PRCD: variants seen among roughly 807,000 people sequenced by gnomAD.
PRCD encodes the protein photoreceptor disk component PRCD.
PRCD carries 12 observed loss-of-function variants against 10.1 expected under a neutral mutation model. The ratio of observed to expected loss-of-function variants is 1.18; its 90% CI spans 0.76 to 1.92. PRCD has a LOEUF of 1.92. Among genes scored for constraint, PRCD ranks in the 40% most tolerant of loss-of-function variants. The pLI, the probability that PRCD is intolerant of heterozygous loss-of-function variation, is 0.00. For missense variants in PRCD, 61 were observed against 72.2 expected (o/e 0.84, Z 0.56); for synonymous variants, 31 against 26.2 (o/e 1.18, Z -0.56).
chr17:76,540,515 G>A lies in PRCD; in HGVS notation c.85G>A (p.Asp29Asn), dbSNP rs372084413. The stretch of plus-strand genomic sequence containing the variant: ...TCTTGCCTCCCACAGAGAGCCCAGC[G>A]ACGTGGATGGGGCAGCTAGGGGCAG... ...FANRVQPEPS[D>N]VDGAARGSSL... The change falls in exon 2 of 5, where the codon GAC becomes AAC. Residue 29 changes from aspartate to asparagine, a missense_variant. Physicochemically the swap from Asp to Asn is conservative, Grantham distance 23. Coordinates refer to ENST00000592014, the MANE Select transcript of PRCD (RefSeq NM_001077620.3). The surrounding 1 kb of genome is among the most constrained non-coding windows in gnomAD (Gnocchi z 5.0). The A allele has an allele frequency of 1.4e-4, 222 of 1,613,698 alleles. No homozygotes were observed. The highest frequency in any genetic ancestry group is 6.5e-4 in the African/African-American group (49 of 75,028).
In PRCD at chr17:76,531,420, C is replaced by T. The variant is rs371523592; in HGVS notation, n.45+3587C>T. The T allele has an allele frequency of 1.1e-4, 177 of 1,585,632 alleles. No individual in the cohort carries two copies. The highest frequency in any genetic ancestry group is 2.0e-4 in the East Asian group (9 of 44,226). ...CTGCGAGCTGCAGATGGCCATGACGCGTGGGCGGTGGGGGCTCTGCAGCAG... is the reference window on the plus strand; with the variant it reads ...CTGCGAGCTGCAGATGGCCATGACGTGTGGGCGGTGGGGGCTCTGCAGCAG... On this transcript the variant is annotated intron_variant and non_coding_transcript_variant, in intron 1 of 4. Transcript: ENST00000397633. This position sits in a 1 kb window ranked among gnomAD's most constrained non-coding sequence, Gnocchi z 7.4.
At chr17:76,551,498 T>C (rs1239582064) in intron 1 of PRCD, 2 of 152,206 alleles carry the variant, frequency 1.3e-5, no homozygotes, top group African/African-American at 4.8e-5. Flanking sequence ...TCTCAATGCG[T>C]AGGGTCTGTG....
At position 76,530,088 on chromosome 17, in the gene PRCD, C is replaced by T; in HGVS notation, n.45+2255C>T. 1 of 982,754 alleles carries T rather than the reference C, an allele frequency of 1.0e-6. No individual in the cohort carries two copies. Among genetic ancestry groups the T allele is most frequent in the Non-Finnish European group, 1.2e-6 (1 of 827,602 alleles). 60.9% of individuals were successfully genotyped at this position (982,754 alleles called of 1,614,324 possible). ...GCCCGGCGGGAGACGCCGCCTTTTC[C>T]ATGGGAAACTGCTGGGAATGTTTCT... On this transcript the variant is annotated intron_variant and non_coding_transcript_variant, in intron 1 of 4. Coordinates refer to the PRCD transcript ENST00000397633. The surrounding 1 kb of genome is among the most constrained non-coding windows in gnomAD (Gnocchi z 6.1).
upstream of PRCD, among the ~76,000 whole-genome samples, chr17:76,539,310 T>A (rs548745578): frequency 2.0e-5 from 3 of 152,344 alleles, no homozygotes; most frequent in South Asian, 6.2e-4. Flanking sequence ...TGTAACTATT[T>A]CTTTTCATCT....
chr17:76,538,484 G>C (rs1398721365), upstream of PRCD: 2 of 465,970 alleles, frequency 4.3e-6, no homozygotes, highest in African/African-American at 4.0e-5. Flanking sequence ...GAAGTCCCCC[G>C]TGGCTTATGA....
intron 1 of PRCD, chr17:76,552,096 A>C (rs1024862008): frequency 1.3e-5 from 2 of 152,226 alleles, no homozygotes; most frequent in Non-Finnish European, 2.9e-5. Flanking sequence ...TCTTCTGGGA[A>C]GAATTATTTT....
downstream of PRCD, chr17:76,546,140 C>A: frequency 6.6e-6 from 1 of 152,422 alleles, no homozygotes; most frequent in Non-Finnish European, 1.5e-5. The surrounding 1 kb of genome is among the most constrained non-coding windows in gnomAD (Gnocchi z 4.5). Flanking sequence ...TGGTACCTTC[C>A]TCCGTGTGAA....
Position 76,540,285 on chromosome 17 carries a change from A to G in PRCD, c.74+70A>G. 6.8e-7 allele frequency: 1 copy of G among 1,467,886 alleles called. No individual in the cohort carries two copies. The highest frequency in any genetic ancestry group is 9.3e-7 in the Non-Finnish European group (1 of 1,075,048). The allele number at this position is 1,467,886 out of a possible 1,614,324, so 90.9% of individuals were successfully genotyped here. A position where few individuals can be genotyped will look rare whatever the true frequency, so the allele number is the denominator to read the frequency against. The stretch of plus-strand genomic sequence containing the variant: ...GGGGCATGGGGCTGGGCTGCCACCA[A>G]GCTGAAGGTGGGCAGGGGCTGCGTG... On this transcript the variant is annotated intron_variant, in intron 1 of 4. Transcript: ENST00000592014. The surrounding 1 kb of genome is among the most constrained non-coding windows in gnomAD (Gnocchi z 5.0).
rs879339199 is a variant in PRCD, at chr17:76,533,445, C to G, written n.45+5612C>G. Among the ~76,000 whole-genome samples the G allele has an allele frequency of 1.3e-5, 2 of 152,312 alleles. No homozygotes were observed. Among genetic ancestry groups the G allele is most frequent in the Admixed American group, 1.3e-4 (2 of 15,298 alleles). On this transcript the variant is annotated intron_variant and non_coding_transcript_variant, in intron 1 of 4. Coordinates refer to the PRCD transcript ENST00000397633. This position sits in a 1 kb window ranked among gnomAD's most constrained non-coding sequence, Gnocchi z 4.5. Reference sequence around the variant, plus strand: ...ATTGCAATAAAAAATAATGATATGGCCGGGCACGGTGGCTCACGCCTATAA... The same window carrying G: ...ATTGCAATAAAAAATAATGATATGGGCGGGCACGGTGGCTCACGCCTATAA...
downstream of PRCD, chr17:76,550,202 C>T (rs4647883): frequency 0.065 from 9,821 of 150,482 alleles, 429 homozygotes; most frequent in Non-Finnish European, 0.095. Flanking sequence ...GTGATCCACC[C>T]GCCTCGGCCT....
Position 76,543,084 on chromosome 17 carries a change from G to C in PRCD, c.*115G>C, listed in dbSNP as rs758393407. The C allele has an allele frequency of 2.1e-6, 1 of 471,590 alleles. No individual in the cohort carries two copies. Among genetic ancestry groups the C allele is most frequent in the Admixed American group, 2.3e-5 (1 of 42,598 alleles). The allele number at this position is 471,590 out of a possible 1,614,324, so 29.2% of individuals were successfully genotyped here. ...AGGATGCTGTGGGAGCTGCAGCAGC[G>C]GCAAGAGGGAGAATGGGGGGAAGCA... is the stretch of plus-strand genomic sequence containing the variant. On this transcript the variant is annotated 3_prime_UTR_variant, in exon 4 of 5. Coordinates refer to ENST00000592014, the MANE Select transcript of PRCD (RefSeq NM_001077620.3).
At position 76,530,968 on chromosome 17, in the gene PRCD, C is replaced by T. The variant is rs753096420; in HGVS notation, n.45+3135C>T. On this transcript the variant is annotated intron_variant and non_coding_transcript_variant, in intron 1 of 4. Transcript: ENST00000397633. The surrounding 1 kb of genome is among the most constrained non-coding windows in gnomAD (Gnocchi z 6.1). ...GGAGGCTGCCCAGCCCACCCTCGCC[C>T]GCCTCCTCACGTGGTGGCGTTGGGG... The T allele has an allele frequency of 1.5e-5, 23 of 1,576,100 alleles. No individual in the cohort carries two copies. The highest frequency in any genetic ancestry group is 1.3e-4 in the South Asian group (11 of 87,084).
chr17:76,542,696 A>C, intron 3 of PRCD, 63 bp downstream of exon 3: 1 of 1,070,830 alleles, frequency 9.3e-7, no homozygotes, highest in Non-Finnish European at 1.4e-6. Context: ...AGGAAGCAAC[A>C]GGCAAGTCCC....
In PRCD at chr17:76,543,204, C is replaced by T. The variant is rs148249567; in HGVS notation, c.*152+83C>T. ...GTGTGGGCTCCTGAGCAGGACCTGG[C>T]TGGGCCTGGCAGAAAGAGCAGACGT... is the stretch of plus-strand genomic sequence containing the variant. On this transcript the variant is annotated intron_variant, in intron 4 of 4. Transcript: ENST00000592014. 4.0e-3 allele frequency: 1,651 copies of T among 414,846 alleles called. 12 individuals are homozygous for T. The highest frequency in any genetic ancestry group is 7.1e-3 in the Middle Eastern group (14 of 1,980). 25.7% of individuals were successfully genotyped at this position (414,846 alleles called of 1,614,324 possible).
chr17:76,535,121 A>G (rs534056392), upstream of PRCD, among the ~76,000 whole-genome samples: 43 of 152,276 alleles, frequency 2.8e-4, no homozygotes, highest in South Asian at 8.9e-3. Flanking sequence ...AGGGAATGGA[A>G]GTGTGGGGTC....
rs2074797475 is a variant in PRCD at position 76,528,789 on chromosome 17, T to C, written n.45+956T>C. 2 of 1,026,694 alleles carry C rather than the reference T, an allele frequency of 1.9e-6. No homozygotes were observed. The highest frequency in any genetic ancestry group is 2.5e-6 in the Non-Finnish European group (2 of 796,178). 63.6% of individuals were successfully genotyped at this position (1,026,694 alleles called of 1,614,324 possible). Reference sequence around the variant, plus strand: ...AGTCTCCGTCCTGCTACGAACGTGCTGTGTGATCTCAGGCAAGTCTACTGG... The same window carrying C: ...AGTCTCCGTCCTGCTACGAACGTGCCGTGTGATCTCAGGCAAGTCTACTGG... On this transcript the variant is annotated intron_variant and non_coding_transcript_variant, in intron 1 of 4. Coordinates refer to the PRCD transcript ENST00000397633. This position sits in a 1 kb window ranked among gnomAD's most constrained non-coding sequence, Gnocchi z 5.8.
rs2074796421 is a variant in PRCD, at chr17:76,528,694, T to C, written n.45+861T>C. The C allele has an allele frequency of 1.7e-6, 2 of 1,202,500 alleles. No individual in the cohort carries two copies. Among genetic ancestry groups the C allele is most frequent in the Admixed American group, 8.4e-5 (2 of 23,676 alleles). 74.5% of individuals were successfully genotyped at this position (1,202,500 alleles called of 1,614,324 possible). A position where few individuals can be genotyped will look rare whatever the true frequency, so the allele number is the denominator to read the frequency against. On this transcript the variant is annotated intron_variant and non_coding_transcript_variant, in intron 1 of 4. Coordinates refer to the PRCD transcript ENST00000397633. The surrounding 1 kb of genome is among the most constrained non-coding windows in gnomAD (Gnocchi z 5.8). ...GGGGGAAAGGGGGAGGACCTGGGGC[T>C]GGCGAGGCTCACTTCCTGCCAAGAG...
chr17:76,542,045 A>G (rs747946890), intron 2 of PRCD, among the ~76,000 whole-genome samples: 32 of 152,254 alleles, frequency 2.1e-4, no homozygotes, highest in Non-Finnish European at 3.8e-4. Flanking sequence ...TTGGCAGGAC[A>G]TGTGTTTTTA....
chr17:76,542,506 G>T (rs2075003462), intron 2 of PRCD, 47 bp from the exon 3 acceptor site: 1 of 1,612,732 alleles, frequency 6.2e-7, no homozygotes. Context: ...AGAAACATGG[G>T]AAGGTCGTGC....
Sources: allele counts gnomAD v4.1 joint callset (sites outside exome capture counted in the v4.1 genomes callset), GRCh38; gene constraint gnomAD v4.1.1; non-coding constraint Gnocchi (gnomAD v3.1); transcripts MANE v1.5; gene names NCBI Gene and HGNC (gene_info 2026-07-23, HGNC 2026-07-21).